Variants in ATP8A2 observed in about 807,000 individuals in gnomAD.
ATP8A2 encodes the protein ATPase phospholipid transporting 8A2.
ATP8A2 carries 100 observed loss-of-function variants against 165.6 expected under a neutral mutation model. The ratio of observed to expected loss-of-function variants is 0.60; its 90% CI spans 0.51 to 0.71. The LOEUF (loss-of-function observed/expected upper bound fraction) is 0.71. ATP8A2 is among the 30% of genes least tolerant of loss of function. The pLI is 0.00. For missense variants in ATP8A2, 1,227 were observed against 1,479.5 expected (o/e 0.83, Z 2.80); for synonymous variants, 543 against 548.8 (o/e 0.99, Z 0.15).
At chr13:25,485,224 G>A (rs1253654859) in intron 2 of ATP8A2, among the ~76,000 whole-genome samples, 1 of 152,192 alleles carries the variant, frequency 6.6e-6, no homozygotes, top group Non-Finnish European at 1.5e-5. Flanking sequence ...TTTCAACAAA[G>A]TTTTGTTCAC....
At chr13:25,986,926 A>G (rs923331272) in intron 35 of ATP8A2, among the ~76,000 whole-genome samples, 5 of 152,220 alleles carry the variant, frequency 3.3e-5, no homozygotes, top group African/African-American at 1.2e-4. Context: ...CACTCTCTGT[A>G]CTGTTTATCC....
intron 29 of ATP8A2, 34 bp downstream of exon 29, chr13:25,837,319 A>G: frequency 6.2e-7 from 1 of 1,610,864 alleles, no homozygotes; most frequent in Non-Finnish European, 8.5e-7. Context: ...CTGTCACCTC[A>G]GAAAGGCGTG....
intron 33 of ATP8A2, among the ~76,000 whole-genome samples, chr13:25,904,052 G>T (rs548065702): frequency 6.6e-6 from 1 of 152,156 alleles, no homozygotes; most frequent in African/African-American, 2.4e-5. Flanking sequence ...TTCGGATTTT[G>T]ATTTTTTCAG....
At chr13:25,561,491 C>T (rs138904519) in intron 15 of ATP8A2, among the ~76,000 whole-genome samples, 2 of 152,040 alleles carry the variant, frequency 1.3e-5, no homozygotes, top group East Asian at 1.9e-4. Context: ...TTTTGCATTC[C>T]GTGTTTTCTC....
At chr13:25,898,553 T>G (rs955775519) in intron 33 of ATP8A2, among the ~76,000 whole-genome samples, 3 of 152,260 alleles carry the variant, frequency 2.0e-5, no homozygotes, top group Non-Finnish European at 4.4e-5. Context: ...TCTTCAAAGC[T>G]GTCAGACAGG....
chr13:25,399,375 T>C (rs1340406867), intron 1 of ATP8A2, among the ~76,000 whole-genome samples: 2 of 149,214 alleles, frequency 1.3e-5, no homozygotes, highest in Non-Finnish European at 3.0e-5. Flanking sequence ...TATAGTAAGA[T>C]CCTGATTTCT....
intron 34 of ATP8A2, 98 bp downstream of exon 34, chr13:25,961,761 A>C (rs1955664987): frequency 4.2e-6 from 4 of 959,588 alleles, no homozygotes; most frequent in African/African-American, 1.7e-5. Flanking sequence ...GAATGACAGG[A>C]ATTCGGAAGA....
chr13:25,411,246 C>T (rs2033955447), intron 1 of ATP8A2, among the ~76,000 whole-genome samples: 1 of 152,134 alleles, frequency 6.6e-6, no homozygotes, highest in Non-Finnish European at 1.5e-5. Context: ...GGTTTTTCCC[C>T]TGCTGCAGCT....
At chr13:25,553,960 C>G (rs764797718) in intron 12 of ATP8A2, 40 bp downstream of exon 12, 1 of 1,584,878 alleles carries the variant, frequency 6.3e-7, no homozygotes, top group South Asian at 1.1e-5. Flanking sequence ...TTTTCCAATG[C>G]TATTTCAGAG....
At chr13:25,939,486 G>A (rs903833191) in intron 33 of ATP8A2, among the ~76,000 whole-genome samples, 6 of 152,184 alleles carry the variant, frequency 3.9e-5, no homozygotes, top group African/African-American at 1.4e-4. Flanking sequence ...TCATGTGTCT[G>A]CTTCTAGCGT....
intron 25 of ATP8A2, among the ~76,000 whole-genome samples, chr13:25,761,956 A>G (rs1005993466): frequency 2.6e-5 from 4 of 151,990 alleles, no homozygotes; most frequent in East Asian, 1.9e-4. Flanking sequence ...GTTGTCAGCC[A>G]TGTGTCATTA....
chr13:25,794,051 A>G (rs553864220), intron 27 of ATP8A2, among the ~76,000 whole-genome samples: 23 of 152,204 alleles, frequency 1.5e-4, no homozygotes, highest in Non-Finnish European at 1.2e-4. Context: ...AAACTTCTGT[A>G]TATTTTTCGT....
At chr13:25,499,069 C>G (rs2036768716) in intron 2 of ATP8A2, among the ~76,000 whole-genome samples, 1 of 152,164 alleles carries the variant, frequency 6.6e-6, no homozygotes, top group Non-Finnish European at 1.5e-5. Flanking sequence ...CTCCATGTGG[C>G]AGGGGATAAC....
At position 25,881,131 on chromosome 13, in the gene ATP8A2, G is replaced by C. The variant is rs550044429; in HGVS notation, c.3183+18723G>C. Among the ~76,000 whole-genome samples the C allele has an allele frequency of 5.9e-5, 9 of 152,234 alleles. No homozygotes were observed. The East Asian group carries it at 9.6e-4, about 16-fold the overall frequency. On this transcript the variant is annotated intron_variant, in intron 33 of 36. Transcript: ENST00000381655. ...ATATTAATTTACTTTCTTTTGTTTG[G>C]GGGGCATTTTTTTTTCTCCCTGCCC...
chr13:25,455,812 ATC>A (rs1328410771), intron 1 of ATP8A2, among the ~76,000 whole-genome samples: 1 of 152,206 alleles, frequency 6.6e-6, no homozygotes, highest in Non-Finnish European at 1.5e-5. Context: ...CCTGATTTGT[ATC>A]TGTTATAACA....
intron 25 of ATP8A2, among the ~76,000 whole-genome samples, chr13:25,720,011 TG>T (rs1428460336): frequency 2.0e-5 from 3 of 152,096 alleles, no homozygotes; most frequent in African/African-American, 4.8e-5. Context: ...GTCTGGGTCT[TG>T]GGGGTCATCC....
chr13:25,759,769 C>T (rs2044342396), intron 25 of ATP8A2, among the ~76,000 whole-genome samples: 1 of 152,104 alleles, frequency 6.6e-6, no homozygotes, highest in African/African-American at 2.4e-5. Flanking sequence ...AGACTATAAC[C>T]GGTTGATTTC....
At chr13:25,684,837 G>A (rs1399557042) in intron 24 of ATP8A2, among the ~76,000 whole-genome samples, 1 of 152,156 alleles carries the variant, frequency 6.6e-6, no homozygotes, top group Non-Finnish European at 1.5e-5. Flanking sequence ...TATTCCTGGT[G>A]TTTGTAACTT....
chr13:25,837,486 A>G (rs1291745446), intron 29 of ATP8A2, among the ~76,000 whole-genome samples: 1 of 150,786 alleles, frequency 6.6e-6, no homozygotes, highest in Non-Finnish European at 1.5e-5. Flanking sequence ...AAACCCAGTG[A>G]ATTCAAGACG....
Sources: allele counts gnomAD v4.1 joint callset (sites outside exome capture counted in the v4.1 genomes callset), GRCh38; gene constraint gnomAD v4.1.1; transcripts MANE v1.5; gene names NCBI Gene and HGNC (gene_info 2026-07-23, HGNC 2026-07-21).